HIP1: variants seen among roughly 807,000 people sequenced by gnomAD.
HIP1 encodes the protein huntingtin-interacting protein 1.
HIP1 carries 65 observed loss-of-function variants against 147.6 expected under a neutral mutation model. The ratio of observed to expected loss-of-function variants is 0.44; its 90% CI spans 0.36 to 0.54. HIP1 has a LOEUF of 0.54. HIP1 is among the 20% of genes least tolerant of loss of function. HIP1 has a pLI of 0.00. For missense variants in HIP1, 1,061 were observed against 1,299.6 expected, an observed-to-expected ratio of 0.82 and a Z score of 2.82; for synonymous variants, 479 against 504.0, an observed-to-expected ratio of 0.95 and a Z score of 0.67.
At chr7:75,668,897 C>T (rs782454883) in intron 1 of HIP1, among the ~76,000 whole-genome samples, 4 of 152,140 alleles carry the variant, frequency 2.6e-5, no homozygotes, top group Non-Finnish European at 5.9e-5. Context: ...TCATCATCAC[C>T]AATTCCAGGA....
chr7:75,724,394 C>T (rs1438460912), intron 1 of HIP1, among the ~76,000 whole-genome samples: 1 of 151,870 alleles, frequency 6.6e-6, no homozygotes, highest in Non-Finnish European at 1.5e-5. Context: ...ATTACAGGCA[C>T]CCGGCACCAT....
Position 75,586,765 on chromosome 7 carries a change from C to G in HIP1, c.453G>C (p.Glu151Asp). The change falls in exon 5 of 31, where the codon GAG (glutamate) becomes GAC (aspartate). Residue 151 changes from glutamate to aspartate, a missense_variant. Glu to Asp is a conservative substitution (Grantham distance 45). Transcript: ENST00000336926. ...IYLKLLRTKM[E>D]YHTKNPRFPG... ...CGCAGAGACTCACTTTGGTGTGGTA[C>G]TCCATCTTGGTTCTTAGCAGTTTCA... The G allele has an allele frequency of 6.2e-7, 1 of 1,611,456 alleles. No individual in the cohort carries two copies.
At chr7:75,663,997 CATATATGTGTATATATATACACAT>C (rs1799416895) in intron 1 of HIP1, among the ~76,000 whole-genome samples, 4 of 29,112 alleles carry the variant, frequency 1.4e-4, no homozygotes, top group South Asian at 9.2e-4. Flanking sequence ...TATATATACA[CATATATGTGTATATATATACACAT>C]ATATGTGTAT....
intron 22 of HIP1, among the ~76,000 whole-genome samples, chr7:75,550,283 T>C (rs1237694841): frequency 2.0e-5 from 3 of 152,246 alleles, no homozygotes; most frequent in African/African-American, 7.2e-5. Context: ...ACTTAAGGAA[T>C]GCTGTAAGAA....
At position 75,720,441 on chromosome 7, in the gene HIP1, G is replaced by A. The variant is rs149243953; in HGVS notation, c.120+18360C>T. ...CTCCCAAAGTGCTGGGATTACAGGCGTGAGTTACCATGCCCAGCCTCAAGT... is the reference window on the plus strand; with the variant it reads ...CTCCCAAAGTGCTGGGATTACAGGCATGAGTTACCATGCCCAGCCTCAAGT... On this transcript the variant is annotated intron_variant, in intron 1 of 30. Transcript: ENST00000336926. 8.0e-3 allele frequency among the ~76,000 whole-genome samples: 1,223 copies of A among 152,210 alleles called. 17 individuals carry two copies. The highest frequency in any genetic ancestry group is 0.024 in the African/African-American group (982 of 41,528).
intron 1 of HIP1, among the ~76,000 whole-genome samples, chr7:75,679,950 G>A (rs1554516619): frequency 6.6e-6 from 1 of 152,114 alleles, no homozygotes; most frequent in African/African-American, 2.4e-5. Context: ...TGCAGACAAA[G>A]CCAGCATCCT....
chr7:75,563,244 G>A lies in HIP1; in HGVS notation c.823C>T (p.Arg275Cys), dbSNP rs782178377. ...TTGAAGTACTGCAGGTTGCTGGAGC[G>A]GTAGAACAGATCTTTCAACCTAGGG... is the stretch of plus-strand genomic sequence containing the variant. ...QFTKLKDLFY[R>C]SSNLQYFKRL... is the part of the protein sequence containing the mutation. The change falls in exon 10 of 31, where the codon CGC becomes TGC. Residue 275 changes from arginine to cysteine, a missense_variant. By Grantham distance (180) the Arg-to-Cys change is radical. Around this residue, in one of 3 missense-constraint regions of HIP1, gnomAD observed 810 missense variants for 946.8 expected, o/e 0.86. Transcript: ENST00000336926. 9 of 1,614,180 alleles carry A rather than the reference G, an allele frequency of 5.6e-6. No individual in the cohort carries two copies. Among genetic ancestry groups the A allele is most frequent in the African/African-American group, 4.0e-5 (3 of 75,044 alleles).
At chr7:75,674,117 T>C (rs1353890865) in intron 1 of HIP1, among the ~76,000 whole-genome samples, 3 of 152,226 alleles carry the variant, frequency 2.0e-5, no homozygotes, top group African/African-American at 7.2e-5. Context: ...TATGAGATAA[T>C]GTCACTGAAA....
At chr7:75,564,259 A>G (rs794360) in intron 9 of HIP1, among the ~76,000 whole-genome samples, 138,888 of 152,188 alleles carry the variant, frequency 0.91, 63,924 homozygotes, top group African/African-American at 0.98. Context: ...CAAGAAACCT[A>G]AGAGAATCCA....
At chr7:75,617,306 T>C (rs940749001) in intron 1 of HIP1, among the ~76,000 whole-genome samples, 4 of 152,060 alleles carry the variant, frequency 2.6e-5, no homozygotes, top group Non-Finnish European at 4.4e-5. Flanking sequence ...CTTGAACTCC[T>C]GACCTCAGGT....
chr7:75,544,891 G>T, intron 26 of HIP1, 91 bp from the exon 27 acceptor site: 1 of 891,604 alleles, frequency 1.1e-6, no homozygotes, highest in Non-Finnish European at 1.8e-6. Flanking sequence ...ATCGCCCTTG[G>T]CTAAACAGGG....
chr7:75,733,204 C>T (rs1554523262), intron 1 of HIP1, among the ~76,000 whole-genome samples: 1 of 152,080 alleles, frequency 6.6e-6, no homozygotes, highest in East Asian at 1.9e-4. Flanking sequence ...AACCTGGAGT[C>T]CTGGTTTTGA....
chr7:75,575,828 G>A (rs1037861457), intron 7 of HIP1, among the ~76,000 whole-genome samples: 1 of 152,004 alleles, frequency 6.6e-6, no homozygotes, highest in South Asian at 2.1e-4. Flanking sequence ...TCTGTGAGTG[G>A]AACTGGCCCA....
At chr7:75,571,695 G>A (rs1460474695) in intron 8 of HIP1, among the ~76,000 whole-genome samples, 2 of 152,020 alleles carry the variant, frequency 1.3e-5, no homozygotes, top group African/African-American at 4.8e-5. Context: ...CGATCCTCTC[G>A]CCTTAGCCTC....
intron 4 of HIP1, among the ~76,000 whole-genome samples, chr7:75,587,440 T>C (rs1032885407): frequency 2.6e-5 from 4 of 152,238 alleles, no homozygotes; most frequent in Non-Finnish European, 5.9e-5. Flanking sequence ...CTTAATATGC[T>C]GCAATTTTAT....
At chr7:75,687,202 C>T (rs552751150) in intron 1 of HIP1, among the ~76,000 whole-genome samples, 2 of 152,106 alleles carry the variant, frequency 1.3e-5, no homozygotes, top group African/African-American at 2.4e-5. Context: ...AGGCTGTTAC[C>T]GAAAGTCTCA....
chr7:75,581,377 G>A (rs587622406), intron 6 of HIP1, 79 bp from the exon 7 acceptor site: 5 of 998,332 alleles, frequency 5.0e-6, no homozygotes, highest in Admixed American at 2.0e-5. Context: ...CACGCTCTAC[G>A]CTACTCCAGT....
chr7:75,586,722 GGTGGCGGCA>G, intron 5 of HIP1, 22 bp downstream of exon 5: 1 of 1,427,942 alleles, frequency 7.0e-7, no homozygotes, highest in Non-Finnish European at 9.9e-7. Context: ...GGGAGGCGGC[GGTGGCGGCA>G]GAACTGTCCG....
chr7:75,562,182 CA>C lies in HIP1; in HGVS notation c.1021-13del. The C allele has an allele frequency of 1.3e-6, 2 of 1,578,910 alleles. No individual in the cohort carries two copies. Among genetic ancestry groups the C allele is most frequent in the Non-Finnish European group, 8.7e-7 (1 of 1,148,640 alleles). On this transcript the variant is annotated splice_polypyrimidine_tract_variant and intron_variant, in intron 11 of 30. Transcript: ENST00000336926. ...TTGTCAAATAAATTCTGTGGTTGAC[CA>C]AAAAGGAGTGAGAATAAGTCAGAGA... is the stretch of plus-strand genomic sequence containing the variant.
Sources: gnomAD v4.1 joint callset for allele counts (sites outside exome capture counted in the v4.1 genomes callset) on GRCh38, gnomAD v4.1.1 for gene constraint, gnomAD v4.1.1 regional missense constraint, MANE v1.5 for transcripts, NCBI Gene and HGNC (gene_info 2026-07-23, HGNC 2026-07-21) for gene names.